FRMD5: variants seen among roughly 807,000 people sequenced by gnomAD.
The protein encoded by FRMD5 is FERM domain containing 5.
A neutral mutation model predicts 69.0 loss-of-function variants in FRMD5; 20 were observed. The ratio of observed to expected loss-of-function variants is 0.29; its 90% CI spans 0.20 to 0.42. The LOEUF (loss-of-function observed/expected upper bound fraction) is 0.42. FRMD5 is among the 10% of genes least tolerant of loss of function. The probability of loss-of-function intolerance (pLI) is 1.00; values close to 1 mark genes in which losing one functional copy is unlikely to be tolerated. For missense variants in FRMD5, 595 were observed against 708.6 expected (o/e 0.84, Z 1.82); for synonymous variants, 271 against 260.1 (o/e 1.04, Z -0.40).
chr15:44,195,160 C>T lies in FRMD5; in HGVS notation c.-106G>A, dbSNP rs1015484027. The T allele has an allele frequency of 8.5e-6, 7 of 824,384 alleles. No individual in the cohort carries two copies. The highest frequency in any genetic ancestry group is 1.3e-5 in the Non-Finnish European group (7 of 558,306). 51.1% of individuals were successfully genotyped at this position (824,384 alleles called of 1,614,324 possible). The stretch of plus-strand genomic sequence containing the variant: ...CCGACCCCAGGCACCTGCACCATCA[C>T]CCCGGCCCCGTCGCTGCCGTTGCCT... On this transcript the variant is annotated 5_prime_UTR_variant, in exon 1 of 14. It adds an upstream start codon to the 5' untranslated region. Transcript: ENST00000417257.
In FRMD5 at chr15:43,928,236, T is replaced by A. The variant is rs184795206; in HGVS notation, c.103-3927A>T. 7.2e-5 allele frequency among the ~76,000 whole-genome samples: 11 copies of A among 152,346 alleles called. No homozygotes were observed. In the East Asian group the frequency reaches 2.1e-3, roughly 29 times the overall value. ...CAGTGTTAGATGCATTGTTTTGAGC[T>A]GCAGGGCTCTTGCATAGACTAATGA... On this transcript the variant is annotated intron_variant, in intron 1 of 13. Coordinates refer to ENST00000417257, the MANE Select transcript of FRMD5 (RefSeq NM_032892.5).
intron 1 of FRMD5, among the ~76,000 whole-genome samples, chr15:44,070,357 T>C (rs936485307): frequency 6.7e-6 from 1 of 150,180 alleles, no homozygotes; most frequent in African/African-American, 2.4e-5. Flanking sequence ...TAATGCAAGC[T>C]AGGCCCTCTC....
chr15:43,884,964 TA>T (rs2088628169), intron 11 of FRMD5, 169 bp from the exon 12 acceptor site: 1 of 585,802 alleles, frequency 1.7e-6, no homozygotes, highest in Non-Finnish European at 3.1e-6. Context: ...GGTAGACTTC[TA>T]AACTGTCATG....
chr15:43,941,665 T>C (rs1370297552), intron 1 of FRMD5, among the ~76,000 whole-genome samples: 2 of 152,156 alleles, frequency 1.3e-5, no homozygotes, highest in East Asian at 3.9e-4. Context: ...AAAATAAAAG[T>C]AGTAAATTAT....
intron 1 of FRMD5, among the ~76,000 whole-genome samples, chr15:44,103,853 T>C (rs1332752055): frequency 1.3e-5 from 2 of 152,236 alleles, no homozygotes; most frequent in African/African-American, 4.8e-5. Context: ...TGAAAATTCT[T>C]ATTGCCTAGT....
Position 43,874,081 on chromosome 15 carries a change from A to G in FRMD5, c.1517T>C (p.Leu506Pro). ...AACAAAGAGGAGTCCCATGGTCACA[A>G]GGAGCAAACGGAGGACACTTAGAAC... ...KFVLSVLRLL[L>P]VTMGLLFVLL... Residue 506 changes from leucine to proline, a missense_variant, in exon 14 of 14, where the codon CTT becomes CCT. Coordinates refer to ENST00000417257, the MANE Select transcript of FRMD5 (RefSeq NM_032892.5). The G allele has an allele frequency of 1.2e-6, 2 of 1,614,254 alleles. No homozygotes were observed. The highest frequency in any genetic ancestry group is 1.7e-6 in the Non-Finnish European group (2 of 1,180,046).
Position 43,885,759 on chromosome 15 carries a change from T to C in FRMD5, c.885-4A>G, listed in dbSNP as rs755315602. The C allele has an allele frequency of 5.0e-6, 8 of 1,613,734 alleles. No individual in the cohort carries two copies. The South Asian group carries it at 8.8e-5, about 18-fold the overall frequency. On this transcript the variant is annotated splice_polypyrimidine_tract_variant and splice_region_variant and intron_variant, in intron 10 of 13. Transcript: ENST00000417257. ...GACTTGGCTTGACTTCTCCAGCCTG[T>C]AGCAAGGCAAAGTCCAGTGTGATAG...
chr15:43,920,004 G>A (rs182312020), intron 2 of FRMD5, among the ~76,000 whole-genome samples, 195 bp from the exon 3 acceptor site: 3 of 152,224 alleles, frequency 2.0e-5, no homozygotes, highest in Admixed American at 1.3e-4. Context: ...AGCTGTGAAG[G>A]GGGGAATAGT....
At chr15:43,875,979 G>A (rs1035826233) in intron 13 of FRMD5, 9 of 1,389,884 alleles carry the variant, frequency 6.5e-6, no homozygotes, top group Non-Finnish European at 9.2e-6. Context: ...TCCCACCATG[G>A]ACCCTCTGGT....
At chr15:43,945,022 C>A (rs986448433) in intron 1 of FRMD5, among the ~76,000 whole-genome samples, 5 of 151,164 alleles carry the variant, frequency 3.3e-5, no homozygotes, top group African/African-American at 9.8e-5. Flanking sequence ...CCTGAGTTCA[C>A]GTGATCTGCC....
At chr15:43,936,932 G>A (rs950936054) in intron 1 of FRMD5, among the ~76,000 whole-genome samples, 1 of 152,004 alleles carries the variant, frequency 6.6e-6, no homozygotes, top group Non-Finnish European at 1.5e-5. Context: ...CTTGCCATTG[G>A]AAAGGGAATT....
chr15:44,083,067 A>C (rs1009219266), intron 1 of FRMD5, among the ~76,000 whole-genome samples: 7 of 151,990 alleles, frequency 4.6e-5, no homozygotes, highest in Admixed American at 4.6e-4. Context: ...AAGCTTCTCA[A>C]ACACTTTCTG....
chr15:44,052,072 C>G (rs1433630037), intron 1 of FRMD5, among the ~76,000 whole-genome samples: 1 of 151,978 alleles, frequency 6.6e-6, no homozygotes, highest in Non-Finnish European at 1.5e-5. Context: ...TGCTCCACCT[C>G]CTTGAGAACA....
chr15:44,011,107 G>A (rs1279447068), intron 1 of FRMD5, among the ~76,000 whole-genome samples: 1 of 151,066 alleles, frequency 6.6e-6, no homozygotes, highest in African/African-American at 2.4e-5. Flanking sequence ...GGTGGATTAA[G>A]GAAAGAAGGA....
intron 1 of FRMD5, among the ~76,000 whole-genome samples, chr15:43,932,147 C>T (rs962655635): frequency 2.0e-5 from 3 of 152,204 alleles, no homozygotes; most frequent in African/African-American, 4.8e-5. Context: ...TGCCAACTTC[C>T]TCAGCCTCTT....
intron 1 of FRMD5, among the ~76,000 whole-genome samples, chr15:44,019,377 A>G (rs1253268211): frequency 6.6e-6 from 1 of 152,020 alleles, no homozygotes; most frequent in Non-Finnish European, 1.5e-5. Flanking sequence ...GGAAAATAAT[A>G]TCAAAGAAGG....
chr15:44,090,496 A>G (rs1290092521), intron 1 of FRMD5, among the ~76,000 whole-genome samples: 1 of 151,700 alleles, frequency 6.6e-6, no homozygotes, highest in African/African-American at 2.4e-5. Context: ...GAGAAGAGCA[A>G]TGGCGTGATC....
chr15:44,031,294 A>G (rs1180985534), intron 1 of FRMD5, among the ~76,000 whole-genome samples: 1 of 152,248 alleles, frequency 6.6e-6, no homozygotes, highest in Non-Finnish European at 1.5e-5. Flanking sequence ...CAGTTATCCC[A>G]TCATTTCTCT....
intron 10 of FRMD5, among the ~76,000 whole-genome samples, chr15:43,886,726 A>C (rs2088672699): frequency 6.6e-6 from 1 of 152,212 alleles, no homozygotes; most frequent in Non-Finnish European, 1.5e-5. Flanking sequence ...CGAGCTGCTT[A>C]CTGGAGCCTG....
Sources: gnomAD v4.1 joint callset for allele counts (sites outside exome capture counted in the v4.1 genomes callset) on GRCh38, gnomAD v4.1.1 for gene constraint, MANE v1.5 for transcripts, NCBI Gene and HGNC (gene_info 2026-07-23, HGNC 2026-07-21) for gene names.